Variants in ANXA7 observed in about 807,000 individuals in gnomAD.
ANXA7 encodes the protein annexin A7, also known as annexin VII.
ANXA7 carries 55 observed loss-of-function variants against 64.9 expected under a neutral mutation model. The ratio of observed to expected loss-of-function variants is 0.85; its 90% CI spans 0.68 to 1.06. ANXA7 has a LOEUF of 1.06. Among genes scored for constraint, ANXA7 ranks in the 50% least tolerant of loss-of-function variants. ANXA7 has a pLI of 0.00. For synonymous variants in ANXA7, 200 were observed against 192.4 expected, an observed-to-expected ratio of 1.04 and a Z score of -0.33; for missense variants, 548 against 582.1, an observed-to-expected ratio of 0.94 and a Z score of 0.60.
chr10:73,393,494 C>G (rs1244484617), intron 5 of ANXA7, among the ~76,000 whole-genome samples: 5 of 152,172 alleles, frequency 3.3e-5, no homozygotes, highest in Non-Finnish European at 4.4e-5. Context: ...CAGCATGGTA[C>G]TGGTACCAAA....
intron 5 of ANXA7, among the ~76,000 whole-genome samples, chr10:73,389,536 T>C (rs1453676240): frequency 6.6e-6 from 1 of 152,246 alleles, no homozygotes; most frequent in Non-Finnish European, 1.5e-5. Flanking sequence ...TACAAATTAT[T>C]TGTACTATTT....
chr10:73,406,271 C>T (rs558895481), intron 1 of ANXA7, among the ~76,000 whole-genome samples: 69 of 152,124 alleles, frequency 4.5e-4, no homozygotes, highest in African/African-American at 1.6e-3. Context: ...CAGTGTTTTT[C>T]TATCCATCCT....
intron 2 of ANXA7, 76 bp from the exon 3 acceptor site, chr10:73,398,461 G>GTGCTAA: frequency 7.5e-7 from 1 of 1,329,856 alleles, no homozygotes; most frequent in Non-Finnish European, 1.0e-6. Flanking sequence ...GGAACAAACA[G>GTGCTAA]AGGTTATTAT....
rs1589660004 is a variant in ANXA7, at chr10:73,398,261, T to G, written c.179A>C (p.Tyr60Ser). The change falls in exon 3 of 13, where the codon TAC (tyrosine) becomes TCC (serine). Residue 60 changes from tyrosine to serine, a missense_variant. Tyr to Ser is a moderately radical substitution (Grantham distance 144). Transcript: ENST00000372921. ...PSSGYPGAGG[Y>S]PAPGGYPAPG... Reference sequence around the variant, plus strand: ...GGCTGGATAACCTCCAGGCGCAGGGTAGCCTCCAGCTCCTGGGTAGCCACT... The same window carrying G: ...GGCTGGATAACCTCCAGGCGCAGGGGAGCCTCCAGCTCCTGGGTAGCCACT... 1 of 1,614,004 alleles carries G rather than the reference T, an allele frequency of 6.2e-7. No homozygotes were observed. Among genetic ancestry groups the G allele is most frequent in the Non-Finnish European group, 8.5e-7 (1 of 1,179,988 alleles).
chr10:73,394,364 T>C (rs1217655086), intron 5 of ANXA7, among the ~76,000 whole-genome samples: 1 of 152,186 alleles, frequency 6.6e-6, no homozygotes, highest in Non-Finnish European at 1.5e-5. Flanking sequence ...TTACTAGGTA[T>C]ATACCCAAAG....
chr10:73,401,253 A>G (rs1197641607), intron 1 of ANXA7, among the ~76,000 whole-genome samples: 2 of 141,282 alleles, frequency 1.4e-5, no homozygotes, highest in Non-Finnish European at 3.0e-5. Context: ...AGATATACAC[A>G]CACATACACA....
chr10:73,396,075 A>G lies in ANXA7; in HGVS notation c.435+444T>C, dbSNP rs755690290. 1.4e-5 allele frequency: 22 copies of G among 1,598,306 alleles called. No individual in the cohort carries two copies. Among genetic ancestry groups the G allele is most frequent in the East Asian group, 2.2e-5 (1 of 44,782 alleles). On this transcript the variant is annotated intron_variant, in intron 5 of 12. Transcript: ENST00000372921. The stretch of plus-strand genomic sequence containing the variant: ...GCTATAATCCAAAGAAACAGGAGAG[A>G]AAACAGGATAGGAAGAAAAAGAATC...
intron 1 of ANXA7, among the ~76,000 whole-genome samples, chr10:73,410,349 T>A (rs372012571): frequency 6.6e-6 from 1 of 151,936 alleles, no homozygotes; most frequent in Non-Finnish European, 1.5e-5. Flanking sequence ...AGGACATGAA[T>A]AGACATTTCT....
intron 5 of ANXA7, chr10:73,395,889 A>G (rs1224910908): frequency 1.4e-6 from 1 of 712,540 alleles, no homozygotes; most frequent in South Asian, 1.5e-5. Context: ...ACTGGCTACT[A>G]TGTCTAAAGC....
intron 7 of ANXA7, among the ~76,000 whole-genome samples, chr10:73,384,465 G>C (rs2055329532): frequency 6.7e-6 from 1 of 149,630 alleles, no homozygotes; most frequent in Non-Finnish European, 1.5e-5. Flanking sequence ...GCAGTGGTGT[G>C]ATCTCGGCTA....
rs934303648 is a variant in ANXA7 at position 73,394,860 on chromosome 10, AAAAAAT to A, written c.435+1653_435+1658del. On this transcript the variant is annotated intron_variant, in intron 5 of 12. Transcript: ENST00000372921. ...TGTACCCTAGAACTTAAAGTGTAATAAAAAATAAAAATAAAAATAAGTTGCATAAGT... is the reference window on the plus strand; with the variant it reads ...TGTACCCTAGAACTTAAAGTGTAATAAAAAATAAAAATAAGTTGCATAAGT... Among the ~76,000 whole-genome samples, 9 of 152,336 alleles carry A rather than the reference AAAAAAT, an allele frequency of 5.9e-5. No homozygotes were observed. The East Asian group carries it at 7.7e-4, about 13-fold the overall frequency.
intron 5 of ANXA7, among the ~76,000 whole-genome samples, chr10:73,391,981 GAATTA>G (rs1435588463): frequency 6.6e-6 from 1 of 152,114 alleles, no homozygotes; most frequent in African/African-American, 2.4e-5. Context: ...AAAAAGAGAA[GAATTA>G]AATAGACGCA....
chr10:73,378,841 T>G, intron 12 of ANXA7, 70 bp downstream of exon 12: 1 of 1,167,704 alleles, frequency 8.6e-7, no homozygotes, highest in East Asian at 2.4e-5. Context: ...GACAACCAAC[T>G]GGGGAACTTT....
chr10:73,399,459 C>T (rs2055625135), intron 2 of ANXA7, among the ~76,000 whole-genome samples: 2 of 152,166 alleles, frequency 1.3e-5, no homozygotes, highest in South Asian at 4.1e-4. Context: ...TACATATTAT[C>T]ATAAACTTGT....
chr10:73,390,712 ATATATATAAAAAT>A (rs1362059984), intron 5 of ANXA7, among the ~76,000 whole-genome samples: 16 of 114,604 alleles, frequency 1.4e-4, no homozygotes, highest in African/African-American at 6.0e-4. Context: ...ATATATATAT[ATATATATAAAAAT>A]ATATATATAC....
At chr10:73,409,895 A>C (rs1249056303) in intron 1 of ANXA7, among the ~76,000 whole-genome samples, 3 of 152,184 alleles carry the variant, frequency 2.0e-5, no homozygotes, top group Admixed American at 2.0e-4. Context: ...GACAAAGCAC[A>C]CAAAAACAAA....
In ANXA7 at chr10:73,400,789, G is replaced by A; in HGVS notation, c.54+14C>T. The stretch of plus-strand genomic sequence containing the variant: ...CTGTTTTAAGGATGTGAGGTATTAA[G>A]TGGCAATACTTACAGGATATCCAGG... On this transcript the variant is annotated intron_variant, in intron 2 of 12. Coordinates refer to ENST00000372921, the MANE Select transcript of ANXA7 (RefSeq NM_001156.5). The A allele has an allele frequency of 6.3e-7, 1 of 1,597,974 alleles. No individual in the cohort carries two copies. The highest frequency in any genetic ancestry group is 1.1e-5 in the South Asian group (1 of 89,222).
intron 1 of ANXA7, 62 bp from the exon 2 acceptor site, chr10:73,400,919 G>GT: frequency 2.8e-6 from 4 of 1,448,742 alleles, no homozygotes; most frequent in East Asian, 2.5e-5. Context: ...GTTTTGTTTT[G>GT]TTTTTTGAGA....
chr10:73,385,952 G>A (rs2055362814), intron 7 of ANXA7, among the ~76,000 whole-genome samples: 1 of 152,124 alleles, frequency 6.6e-6, no homozygotes, highest in Non-Finnish European at 1.5e-5. Flanking sequence ...GGTGGCTCAT[G>A]CCTGTAATCC....
Sources: allele counts gnomAD v4.1 joint callset (sites outside exome capture counted in the v4.1 genomes callset), GRCh38; gene constraint gnomAD v4.1.1; transcripts MANE v1.5; gene names NCBI Gene and HGNC (gene_info 2026-07-23, HGNC 2026-07-21).